The following BEAN1 variants were observed in gnomAD, a reference collection of about 807,000 sequenced individuals.
BEAN1 encodes the protein protein BEAN1.
Under a neutral mutation model 17.7 loss-of-function variants are expected in BEAN1, and 17 were observed. That is an observed-to-expected ratio of 0.96 (90% CI 0.66 to 1.44). The LOEUF is 1.44. Among genes scored for constraint, BEAN1 ranks in the 40% most tolerant of loss-of-function variants. BEAN1 has a pLI of 0.00. For synonymous variants in BEAN1, 142 were observed against 151.8 expected (o/e 0.94, Z 0.47); for missense variants, 359 against 374.1 (o/e 0.96, Z 0.33).
intron 3 of BEAN1, among the ~76,000 whole-genome samples, chr16:66,472,530 C>T (rs1470390236): frequency 1.3e-5 from 2 of 152,182 alleles, no homozygotes; most frequent in Non-Finnish European, 2.9e-5. Flanking sequence ...ATGGCAAAAC[C>T]TTGTCTCTAC....
intron 2 of BEAN1, among the ~76,000 whole-genome samples, chr16:66,460,221 A>G (rs1416407558): frequency 6.6e-6 from 1 of 152,224 alleles, no homozygotes; most frequent in Non-Finnish European, 1.5e-5. Flanking sequence ...AGAGCATTCC[A>G]GGCTCACCAC....
intron 2 of BEAN1, among the ~76,000 whole-genome samples, chr16:66,445,360 C>T (rs571235450): frequency 1.3e-5 from 2 of 151,556 alleles, no homozygotes; most frequent in South Asian, 4.2e-4. Context: ...CCTGTAGTCC[C>T]AGCTACTCAG....
chr16:66,457,134 T>G (rs1160259305), intron 2 of BEAN1, among the ~76,000 whole-genome samples: 1 of 152,196 alleles, frequency 6.6e-6, no homozygotes, highest in Non-Finnish European at 1.5e-5. Context: ...GTCTGATTCA[T>G]ATTTGTGTTC....
intron 2 of BEAN1, among the ~76,000 whole-genome samples, chr16:66,463,692 G>T (rs1209769180): frequency 6.6e-6 from 1 of 152,140 alleles, no homozygotes; most frequent in East Asian, 1.9e-4. Flanking sequence ...TCGTATCTAA[G>T]AATCATTTGC....
At chr16:66,431,828 A>G (rs1158148463) in intron 1 of BEAN1, among the ~76,000 whole-genome samples, 3 of 151,306 alleles carry the variant, frequency 2.0e-5, no homozygotes, top group Non-Finnish European at 2.9e-5. Flanking sequence ...TGTTTGTTTG[A>G]GACAGAGCTT....
chr16:66,487,536 G>A (rs543644503), downstream of BEAN1, among the ~76,000 whole-genome samples: 2 of 152,222 alleles, frequency 1.3e-5, no homozygotes, highest in Admixed American at 1.3e-4. Context: ...TAAGTGCTGA[G>A]TTCCAGACCT....
At chr16:66,435,913 G>T (rs370456315) in intron 1 of BEAN1, among the ~76,000 whole-genome samples, 7 of 152,170 alleles carry the variant, frequency 4.6e-5, no homozygotes, top group African/African-American at 1.7e-4. Context: ...GCCTCTCTGA[G>T]CCTTGGTGTC....
At chr16:66,482,884 TCTCA>T (rs767911472), downstream of BEAN1, 58 of 456,064 alleles carry the variant, frequency 1.3e-4, no homozygotes, top group Non-Finnish European at 7.5e-5. Flanking sequence ...TCAGACAGGG[TCTCA>T]CTCAGTCGCC....
chr16:66,477,777 C>A, intron 4 of BEAN1, 67 bp downstream of exon 4: 1 of 1,412,002 alleles, frequency 7.1e-7, no homozygotes. Flanking sequence ...CCCCCCAACT[C>A]CATCATGGGA....
chr16:66,451,165 A>T (rs57983143), intron 2 of BEAN1: 19,117 of 153,416 alleles, frequency 0.12, 1,348 homozygotes, highest in South Asian at 0.26. Flanking sequence ...ATCATGAAAA[A>T]ATGGATGATT....
At chr16:66,489,274 T>C (rs1409686306) in intron 4 of BEAN1, among the ~76,000 whole-genome samples, 1 of 152,154 alleles carries the variant, frequency 6.6e-6, no homozygotes. Flanking sequence ...ACGAATACAC[T>C]TGGGTTCCAA....
chr16:66,463,438 C>T (rs571784319), intron 2 of BEAN1, among the ~76,000 whole-genome samples: 1 of 152,274 alleles, frequency 6.6e-6, no homozygotes, highest in Admixed American at 6.5e-5. Context: ...CCAATTGTAT[C>T]TTCTTTGGAG....
intron 2 of BEAN1, among the ~76,000 whole-genome samples, chr16:66,444,668 T>G (rs1962378426): frequency 6.6e-6 from 1 of 152,140 alleles, no homozygotes; most frequent in Admixed American, 6.5e-5. Flanking sequence ...GACCTGAGTT[T>G]GAATCTTGCT....
intron 2 of BEAN1, among the ~76,000 whole-genome samples, chr16:66,456,965 G>A (rs938386642): frequency 2.2e-4 from 33 of 152,250 alleles, no homozygotes; most frequent in African/African-American, 6.0e-4. Context: ...TTCCAGTTAC[G>A]TTTTAACACA....
At chr16:66,490,949 G>A (rs1964168556) in intron 4 of BEAN1, among the ~76,000 whole-genome samples, 1 of 152,316 alleles carries the variant, frequency 6.6e-6, no homozygotes, top group African/African-American at 2.4e-5. Context: ...TGGAGCAGGA[G>A]AGGCAGGACC....
In BEAN1 at chr16:66,477,602, G is replaced by C. The variant is rs534120028; in HGVS notation, c.332G>C (p.Arg111Pro). The C allele has an allele frequency of 1.0e-5, 16 of 1,550,412 alleles. No individual in the cohort carries two copies. Among genetic ancestry groups the C allele is most frequent in the Non-Finnish European group, 1.1e-5 (13 of 1,146,640 alleles). ...HTYSRSSRRMRYACSSSEDWP... is the reference protein window; with the variant it reads ...HTYSRSSRRMPYACSSSEDWP... ...TACAGCCGCTCAAGCCGCAGGATGC[G>C]CTATGCCTGCAGCTCCTCAGAGGAC... Residue 111 changes from arginine to proline, a missense_variant, in exon 4 of 5, where the codon CGC (arginine) becomes CCC (proline). Coordinates refer to ENST00000536005, the MANE Select transcript of BEAN1 (RefSeq NM_001178020.3).
Position 66,481,039 on chromosome 16 carries a change from A to AC in BEAN1, c.*114_*115insC. The AC allele has an allele frequency of 4.7e-6, 4 of 847,586 alleles. No individual in the cohort carries two copies. Among genetic ancestry groups the AC allele is most frequent in the Admixed American group, 3.5e-5 (1 of 28,748 alleles). The allele number at this position is 847,586 out of a possible 1,614,324, so 52.5% of individuals were successfully genotyped here. A position where few individuals can be genotyped will look rare whatever the true frequency, so the allele number is the denominator to read the frequency against. On this transcript the variant is annotated 3_prime_UTR_variant, in exon 5 of 5. Coordinates refer to ENST00000536005, the MANE Select transcript of BEAN1 (RefSeq NM_001178020.3). The surrounding 1 kb of genome is among the most constrained non-coding windows in gnomAD (Gnocchi z 4.1). ...CACACGTGACTCATAACACACACAT[A>AC]GACCAAACTTGTATACACACAGACA...
At chr16:66,435,889 C>T (rs1961995095) in intron 1 of BEAN1, among the ~76,000 whole-genome samples, 3 of 152,186 alleles carry the variant, frequency 2.0e-5, no homozygotes, top group African/African-American at 7.2e-5. Flanking sequence ...TCTGCCAATT[C>T]TTGGCAGTGT....
chr16:66,437,487 C>G, intron 1 of BEAN1, 108 bp from the exon 2 acceptor site: 1 of 655,348 alleles, frequency 1.5e-6, no homozygotes, highest in East Asian at 2.8e-5. Context: ...AAGAAGTGAC[C>G]ATCCTCTCCC....
Sources: gnomAD v4.1 joint callset for allele counts (sites outside exome capture counted in the v4.1 genomes callset) on GRCh38, gnomAD v4.1.1 for gene constraint, Gnocchi (gnomAD v3.1) non-coding constraint, MANE v1.5 for transcripts, NCBI Gene and HGNC (gene_info 2026-07-23, HGNC 2026-07-21) for gene names.